Variants in TRHDE observed in about 807,000 individuals in gnomAD.
TRHDE encodes the protein thyrotropin releasing hormone degrading enzyme.
A neutral mutation model predicts 125.7 loss-of-function variants in TRHDE; 72 were observed. The ratio of observed to expected loss-of-function variants is 0.57; its 90% CI spans 0.47 to 0.70. The LOEUF (loss-of-function observed/expected upper bound fraction) is 0.70, where lower values mean the gene tolerates loss of function less well. TRHDE is among the 30% of genes least tolerant of loss of function. TRHDE has a pLI of 0.00. For synonymous variants in TRHDE, 509 were observed against 509.1 expected (o/e 1.00, Z 0.00); for missense variants, 1,110 against 1,327.1 (o/e 0.84, Z 2.54).
chr12:72,495,059 C>CTTTTTTT (rs1592489033), intron 5 of TRHDE, among the ~76,000 whole-genome samples: 9 of 59,970 alleles, frequency 1.5e-4, no homozygotes, highest in African/African-American at 2.1e-4. Context: ...GTTCCTCCCC[C>CTTTTTTT]GTTTTTTTTT....
At chr12:72,308,761 C>A (rs1868404151) in intron 2 of TRHDE, among the ~76,000 whole-genome samples, 1 of 152,134 alleles carries the variant, frequency 6.6e-6, no homozygotes, top group Non-Finnish European at 1.5e-5. Flanking sequence ...TACCTAAAAT[C>A]TCACAAGTAA....
intron 2 of TRHDE, among the ~76,000 whole-genome samples, chr12:72,199,603 T>TC (rs1555168261): frequency 6.6e-6 from 1 of 152,086 alleles, no homozygotes; most frequent in Non-Finnish European, 1.5e-5. Context: ...GCCCTAACAC[T>TC]CCTACAAACA....
intron 15 of TRHDE, among the ~76,000 whole-genome samples, chr12:72,641,476 A>G (rs1272540907): frequency 6.6e-6 from 1 of 152,196 alleles, no homozygotes; most frequent in Non-Finnish European, 1.5e-5. Flanking sequence ...CTTTCAGTCT[A>G]TTTTTACTAA....
chr12:72,362,144 T>A (rs1379500974), intron 2 of TRHDE, among the ~76,000 whole-genome samples: 3 of 134,230 alleles, frequency 2.2e-5, no homozygotes, highest in African/African-American at 8.6e-5. Flanking sequence ...CCACACTGAC[T>A]TCCACAATGG....
intron 2 of TRHDE, among the ~76,000 whole-genome samples, chr12:72,152,665 T>G (rs1262987119): frequency 9.2e-5 from 14 of 152,264 alleles, no homozygotes; most frequent in Admixed American, 9.2e-4. Context: ...ACGTGTTTTT[T>G]GTCGTTGGTT....
chr12:72,382,703 A>G (rs1055110850), intron 3 of TRHDE, among the ~76,000 whole-genome samples: 2 of 152,248 alleles, frequency 1.3e-5, no homozygotes, highest in African/African-American at 2.4e-5. Flanking sequence ...AGGGTGTTAC[A>G]TTGCAAAACA....
chr12:72,377,941 A>C (rs1871967638), intron 2 of TRHDE, 54 bp from the exon 3 acceptor site: 1 of 1,297,446 alleles, frequency 7.7e-7, no homozygotes, highest in African/African-American at 1.5e-5. Context: ...TGCAGGGAAG[A>C]TAAAACTCAA....
At chr12:72,290,750 T>C (rs1333493232) in intron 2 of TRHDE, among the ~76,000 whole-genome samples, 1 of 152,222 alleles carries the variant, frequency 6.6e-6, no homozygotes, top group Non-Finnish European at 1.5e-5. Flanking sequence ...GCCTGGCTTG[T>C]TCAAAGCATG....
At chr12:72,655,217 C>A (rs1353425208) in intron 17 of TRHDE, among the ~76,000 whole-genome samples, 2 of 152,170 alleles carry the variant, frequency 1.3e-5, no homozygotes, top group Middle Eastern at 3.4e-3. Flanking sequence ...GGACTACAGA[C>A]ATACACCACC....
chr12:72,348,283 T>C (rs1870423416), intron 2 of TRHDE, among the ~76,000 whole-genome samples: 1 of 151,974 alleles, frequency 6.6e-6, no homozygotes, highest in Admixed American at 6.6e-5. Flanking sequence ...GTTATTTCTT[T>C]AATCCCATTA....
intron 2 of TRHDE, among the ~76,000 whole-genome samples, chr12:72,362,618 T>C (rs1490234666): frequency 2.7e-5 from 4 of 150,672 alleles, no homozygotes; most frequent in East Asian, 2.0e-4. Flanking sequence ...TTTTGGTGTT[T>C]TAGACATGAA....
chr12:72,157,366 G>A (rs937739847), intron 2 of TRHDE, among the ~76,000 whole-genome samples: 1 of 152,166 alleles, frequency 6.6e-6, no homozygotes, highest in Non-Finnish European at 1.5e-5. Context: ...TATCTCATGT[G>A]TTTTAGGAAG....
At chr12:72,548,238 G>T (rs1466654474) in intron 7 of TRHDE, among the ~76,000 whole-genome samples, 1 of 151,578 alleles carries the variant, frequency 6.6e-6, no homozygotes, top group Non-Finnish European at 1.5e-5. Context: ...TTTTTTGTCT[G>T]TCTCTGTAGA....
chr12:72,408,826 T>C (rs1873373233), intron 3 of TRHDE, among the ~76,000 whole-genome samples: 1 of 151,890 alleles, frequency 6.6e-6, no homozygotes, highest in Non-Finnish European at 1.5e-5. Flanking sequence ...GAATGTAGCA[T>C]GAAGAAGCAA....
intron 6 of TRHDE, among the ~76,000 whole-genome samples, chr12:72,514,432 T>C (rs980645910): frequency 8.3e-6 from 1 of 121,084 alleles, no homozygotes; most frequent in East Asian, 2.7e-4. Flanking sequence ...GAAATGAAAA[T>C]GAAATAAGAA....
intron 7 of TRHDE, among the ~76,000 whole-genome samples, chr12:72,559,706 A>G (rs904360806): frequency 2.0e-5 from 3 of 152,226 alleles, no homozygotes; most frequent in Admixed American, 6.5e-5. Context: ...TTATACACAT[A>G]AATGTAAACT....
chr12:72,480,565 G>A (rs1877121943), intron 5 of TRHDE, among the ~76,000 whole-genome samples: 1 of 152,134 alleles, frequency 6.6e-6, no homozygotes. Context: ...ACTGTGTTGG[G>A]ATTTGCATAG....
intron 6 of TRHDE, among the ~76,000 whole-genome samples, chr12:72,538,533 A>G (rs1426383476): frequency 6.6e-6 from 1 of 152,000 alleles, no homozygotes; most frequent in African/African-American, 2.4e-5. Flanking sequence ...AAGCCTTAGA[A>G]CTTTTCTCTT....
At chr12:72,512,584 TAATC>T (rs1305036535) in intron 6 of TRHDE, among the ~76,000 whole-genome samples, 1 of 141,296 alleles carries the variant, frequency 7.1e-6, no homozygotes, top group East Asian at 2.0e-4. Context: ...AATCATATAA[TAATC>T]ATATATAATC....
Sources: gnomAD v4.1 joint callset for allele counts (sites outside exome capture counted in the v4.1 genomes callset) on GRCh38, gnomAD v4.1.1 for gene constraint, MANE v1.5 for transcripts, NCBI Gene and HGNC (gene_info 2026-07-23, HGNC 2026-07-21) for gene names.